TRPM5: variants seen among roughly 807,000 people sequenced by gnomAD.
TRPM5 encodes MLSN1 and TRP-related.
TRPM5 carries 121 observed loss-of-function variants against 124.9 expected under a neutral mutation model. That is an observed-to-expected ratio of 0.97 (90% CI 0.84 to 1.13). The LOEUF (loss-of-function observed/expected upper bound fraction) is 1.13. TRPM5 is among the 50% of genes most tolerant of loss of function. TRPM5 has a pLI of 0.00. For missense variants in TRPM5, 1,643 were observed against 1,589.1 expected (o/e 1.03, Z -0.58); for synonymous variants, 781 against 700.5 (o/e 1.11, Z -1.81).
the TRPM5 span, among the ~76,000 whole-genome samples, chr11:2,440,268 A>G: frequency 2.6e-5 from 4 of 152,232 alleles, no homozygotes; most frequent in Non-Finnish European, 5.9e-5. The surrounding 1 kb of genome is among the most constrained non-coding windows in gnomAD (Gnocchi z 5.2). Context: ...CCCAAACCTC[A>G]GCATCACGCA....
At chr11:2,437,064 G>A in the TRPM5 span, among the ~76,000 whole-genome samples, 1 of 152,246 alleles carries the variant, frequency 6.6e-6, no homozygotes, top group Non-Finnish European at 1.5e-5. This position sits in a 1 kb window ranked among gnomAD's most constrained non-coding sequence, Gnocchi z 5.6. Flanking sequence ...TGTCCTGGGT[G>A]CACCTTTCCC....
exon 3 of TRPM5, chr11:2,421,083 G>A: frequency 6.5e-7 from 1 of 1,549,856 alleles, no homozygotes; most frequent in Non-Finnish European, 8.7e-7. Context: ...GCGAGGCCAT[G>A]CCGACAGCAA....
the TRPM5 span, among the ~76,000 whole-genome samples, chr11:2,435,369 C>G: frequency 6.6e-6 from 1 of 152,044 alleles, no homozygotes; most frequent in Non-Finnish European, 1.5e-5. The surrounding 1 kb of genome is among the most constrained non-coding windows in gnomAD (Gnocchi z 4.1). Flanking sequence ...CACTCACTCA[C>G]CCACCCACTC....
the TRPM5 span, among the ~76,000 whole-genome samples, chr11:2,441,425 C>T: frequency 1.3e-5 from 2 of 152,124 alleles, no homozygotes; most frequent in Non-Finnish European, 2.9e-5. This position sits in a 1 kb window ranked among gnomAD's most constrained non-coding sequence, Gnocchi z 7.2. Flanking sequence ...CTTGGCCTCA[C>T]CTGAGCCCAC....
At chr11:2,421,221 CGTT>C in intron 2 of TRPM5, 23 bp from the exon 8 acceptor site, 6 of 1,527,570 alleles carry the variant, frequency 3.9e-6, no homozygotes, top group Non-Finnish European at 4.4e-6. Context: ...AAGAGGGCCT[CGTT>C]GTGCCGCACG....
chr11:2,416,707 G>A (rs1049961495), intron 7 of TRPM5, among the ~76,000 whole-genome samples: 5 of 152,168 alleles, frequency 3.3e-5, no homozygotes, highest in African/African-American at 4.8e-5. Context: ...TTCCCAGAGC[G>A]TCCCCTCAAG....
chr11:2,416,014 G>C (rs1189855445), exon 8 of TRPM5: 1 of 1,594,604 alleles, frequency 6.3e-7, no homozygotes, highest in Non-Finnish European at 8.5e-7. Context: ...CCTGGCTGTG[G>C]CTCTTGCAGG....
exon 19 of TRPM5, chr11:2,407,799 T>C: frequency 1.2e-6 from 2 of 1,613,864 alleles, no homozygotes; most frequent in Non-Finnish European, 1.7e-6. Flanking sequence ...AGCACATTGG[T>C]GACCAACAGG....
chr11:2,418,459 G>T lies in TRPM5; in HGVS notation c.714+68C>A, dbSNP rs1459270532. The T allele has an allele frequency of 7.1e-6, 11 of 1,558,416 alleles. No homozygotes were observed. The Admixed American group carries it at 1.7e-4, about 24-fold the overall frequency. ...CCATCCCTTCAGCCCTGTCCCAGGG[G>T]TGCCCAGAACCCACCGCACCCCTCC... On this transcript the variant is annotated intron_variant, in intron 5 of 23. Coordinates refer to ENST00000155858, the Ensembl canonical transcript of TRPM5.
intron 23 of TRPM5, 38 bp downstream of exon 28, chr11:2,405,489 A>G (rs1257991443): frequency 2.6e-6 from 4 of 1,547,054 alleles, no homozygotes; most frequent in South Asian, 2.4e-5. Context: ...GTGGGTGCCC[A>G]TGCCCACCCT....
chr11:2,431,384 C>A, the TRPM5 span, among the ~76,000 whole-genome samples: 1 of 152,144 alleles, frequency 6.6e-6, no homozygotes, highest in Non-Finnish European at 1.5e-5. Flanking sequence ...TGTGTCGTTG[C>A]CCTACAGCAG....
intron 12 of TRPM5, 148 bp downstream of exon 17, chr11:2,413,913 C>G: frequency 8.5e-7 from 1 of 1,182,002 alleles, no homozygotes; most frequent in Non-Finnish European, 1.2e-6. Flanking sequence ...TGGGCGCCTT[C>G]CAGGAACAGA....
At chr11:2,407,208 A>G (rs771449920) in exon 20 of TRPM5, 31 of 1,579,932 alleles carry the variant, frequency 2.0e-5, no homozygotes, top group South Asian at 1.2e-4. Flanking sequence ...GGGCGGGGCC[A>G]GGGCGGGGCG....
chr11:2,415,443 T>C, exon 9 of TRPM5: 1 of 1,583,644 alleles, frequency 6.3e-7, no homozygotes, highest in Non-Finnish European at 8.5e-7. Flanking sequence ...GACCAGGGCG[T>C]CCACCATCAC....
exon 11 of TRPM5, chr11:2,414,828 C>T (rs1850532519): frequency 6.3e-7 from 1 of 1,591,944 alleles, no homozygotes; most frequent in South Asian, 1.1e-5. Context: ...GGCTGCCACA[C>T]CTTCCTGGCC....
intron 7 of TRPM5, among the ~76,000 whole-genome samples, chr11:2,416,512 G>A (rs1845683682): frequency 6.6e-6 from 1 of 152,228 alleles, no homozygotes; most frequent in Non-Finnish European, 1.5e-5. Context: ...ACTCGCACGT[G>A]AGGCTCACCA....
chr11:2,412,214 ACTT>A, exon 16 of TRPM5: 1 of 1,613,526 alleles, frequency 6.2e-7, no homozygotes, highest in Non-Finnish European at 8.5e-7. Context: ...TACAGTGTGA[ACTT>A]CTTCACCAGG....
chr11:2,410,948 G>A (rs753063354), intron 18 of TRPM5, among the ~76,000 whole-genome samples: 9 of 152,148 alleles, frequency 5.9e-5, no homozygotes, highest in South Asian at 2.1e-4. Flanking sequence ...CCCAGACCCC[G>A]GATGATGGCT....
intron 18 of TRPM5, among the ~76,000 whole-genome samples, chr11:2,409,008 G>T (rs1036856672): frequency 2.9e-4 from 44 of 152,358 alleles, no homozygotes; most frequent in Admixed American, 7.8e-4. Flanking sequence ...CCTGCGGTGG[G>T]TTCTGGGGGG....
Sources: gnomAD v4.1 joint callset for allele counts (sites outside exome capture counted in the v4.1 genomes callset) on GRCh38, gnomAD v4.1.1 for gene constraint, Gnocchi (gnomAD v3.1) non-coding constraint, MANE v1.5 for transcripts, NCBI Gene and HGNC (gene_info 2026-07-23, HGNC 2026-07-21) for gene names.